Variants in STXBP5L observed in about 807,000 individuals in gnomAD.
The protein encoded by STXBP5L is syntaxin-binding protein 5-like.
A neutral mutation model predicts 144.5 loss-of-function variants in STXBP5L; 65 were observed. That is an observed-to-expected ratio of 0.45 (90% CI 0.37 to 0.55). The LOEUF (loss-of-function observed/expected upper bound fraction) is 0.55. Among genes scored for constraint, STXBP5L ranks in the 20% least tolerant of loss-of-function variants. The probability of loss-of-function intolerance (pLI) is 0.00; values close to 1 mark genes in which losing one functional copy is unlikely to be tolerated. For synonymous variants in STXBP5L, 505 were observed against 469.6 expected (o/e 1.08, Z -0.97); for missense variants, 1,298 against 1,405.5 (o/e 0.92, Z 1.22).
intron 5 of STXBP5L, among the ~76,000 whole-genome samples, chr3:121,059,529 G>C (rs968975627): frequency 1.1e-4 from 17 of 152,258 alleles, no homozygotes; most frequent in South Asian, 4.1e-4. Flanking sequence ...GTGGTAGCTT[G>C]ATGGGGATAG....
chr3:121,222,969 C>CT, intron 10 of STXBP5L, 34 bp from the exon 11 acceptor site: 1 of 1,570,348 alleles, frequency 6.4e-7, no homozygotes, highest in Non-Finnish European at 8.6e-7. Flanking sequence ...TTTTAAAGGA[C>CT]TTCTGAGTCT....
chr3:121,156,952 G>A (rs1162150623), intron 8 of STXBP5L, among the ~76,000 whole-genome samples: 2 of 151,918 alleles, frequency 1.3e-5, no homozygotes, highest in African/African-American at 2.4e-5. Flanking sequence ...AATCCCCAGT[G>A]GATACCGAGG....
chr3:121,036,917 AAAAAATTTTAAAAAT>A (rs1946799212), intron 3 of STXBP5L, among the ~76,000 whole-genome samples: 1 of 151,562 alleles, frequency 6.6e-6, no homozygotes, highest in Non-Finnish European at 1.5e-5. Context: ...ATAATTCTTT[AAAAAATTTTAAAAAT>A]ATATATTTTT....
intron 3 of STXBP5L, among the ~76,000 whole-genome samples, chr3:120,976,191 G>T (rs540080433): frequency 6.6e-6 from 1 of 152,230 alleles, no homozygotes; most frequent in African/African-American, 2.4e-5. Flanking sequence ...TTTTTGGTTG[G>T]TAAGCTATTG....
chr3:121,095,335 C>T (rs1173860541), intron 5 of STXBP5L, among the ~76,000 whole-genome samples: 1 of 152,082 alleles, frequency 6.6e-6, no homozygotes, highest in Non-Finnish European at 1.5e-5. Context: ...GTTGGCCTGT[C>T]CTTCTAGGTT....
At chr3:120,992,420 G>T (rs1942990798) in intron 3 of STXBP5L, among the ~76,000 whole-genome samples, 1 of 151,798 alleles carries the variant, frequency 6.6e-6, no homozygotes, top group Non-Finnish European at 1.5e-5. Context: ...TTGTATATTT[G>T]TACCCATTAA....
intron 25 of STXBP5L, among the ~76,000 whole-genome samples, chr3:121,416,474 TATTTATTTATTTA>T (rs2047237042): frequency 7.2e-3 from 1 of 138 alleles, no homozygotes; most frequent in Admixed American, 0.062. Flanking sequence ...GGTAGATTTT[TATTTATTTATTTA>T]TTTATTTATT....
intron 5 of STXBP5L, among the ~76,000 whole-genome samples, chr3:121,054,685 C>T (rs1948318864): frequency 1.3e-5 from 2 of 151,768 alleles, no homozygotes; most frequent in Admixed American, 1.3e-4. Flanking sequence ...CATATGTATA[C>T]ATATGTAACA....
chr3:121,364,830 C>T (rs943446529), intron 20 of STXBP5L, among the ~76,000 whole-genome samples: 4 of 151,814 alleles, frequency 2.6e-5, no homozygotes, highest in African/African-American at 4.8e-5. Flanking sequence ...TTAGCTCTAA[C>T]AGTTTTTTGT....
chr3:120,938,318 A>G lies in STXBP5L; in HGVS notation c.190-16622A>G, dbSNP rs557483719. Among the ~76,000 whole-genome samples the G allele has an allele frequency of 1.2e-4, 18 of 152,264 alleles. No homozygotes were observed. In the South Asian group the frequency reaches 3.7e-3, roughly 32 times the overall value. On this transcript the variant is annotated intron_variant, in intron 2 of 26. Coordinates refer to ENST00000471454, the MANE Select transcript of STXBP5L (RefSeq NM_001308330.2). ...AGAATTCTATTAAGCATCCTGGCTT[A>G]TTTAAATCATTACTCAATTATTTCT...
At position 121,279,913 on chromosome 3, in the gene STXBP5L, G is replaced by T. The variant is rs541951107; in HGVS notation, c.2067G>T (p.Gln689His). Residue 689 changes from glutamine (Q) to histidine (H), a missense_variant, in exon 19 of 27, where the codon CAG becomes CAT. Transcript: ENST00000471454. ...TATATAGATCAAGTGACTTATACCA[G>T]CGACAACCACGGTCTCCTCGAAAAA... ...IDLYRSSDLY[Q>H]RQPRSPRKNK... 2 of 1,612,408 alleles carry T rather than the reference G, an allele frequency of 1.2e-6. No individual in the cohort carries two copies. Among genetic ancestry groups the T allele is most frequent in the Non-Finnish European group, 8.5e-7 (1 of 1,178,858 alleles).
intron 24 of STXBP5L, among the ~76,000 whole-genome samples, chr3:121,414,299 A>T (rs1195931717): frequency 1.3e-5 from 2 of 152,128 alleles, no homozygotes; most frequent in African/African-American, 4.8e-5. Context: ...TGGCTGTGCC[A>T]GTACTGGGGA....
chr3:121,330,780 C>T (rs1163179861), intron 20 of STXBP5L, among the ~76,000 whole-genome samples: 3 of 152,222 alleles, frequency 2.0e-5, no homozygotes, highest in Non-Finnish European at 4.4e-5. Flanking sequence ...ACATTGCCTG[C>T]ATCACCCTGG....
intron 6 of STXBP5L, among the ~76,000 whole-genome samples, chr3:121,120,837 G>A (rs2044425693): frequency 6.6e-6 from 1 of 151,248 alleles, no homozygotes; most frequent in Non-Finnish European, 1.5e-5. Flanking sequence ...GACACTGTTA[G>A]GTCGTGGAGA....
chr3:121,083,404 G>A (rs1400444099), intron 5 of STXBP5L, among the ~76,000 whole-genome samples: 1 of 152,124 alleles, frequency 6.6e-6, no homozygotes, highest in African/African-American at 2.4e-5. Flanking sequence ...GCTCACGCCT[G>A]TAATTCCAAT....
chr3:121,298,520 C>T (rs181494481), intron 19 of STXBP5L, among the ~76,000 whole-genome samples: 19 of 152,188 alleles, frequency 1.2e-4, no homozygotes, highest in African/African-American at 4.6e-4. Flanking sequence ...TAAATATCTG[C>T]AGACAGATGA....
intron 12 of STXBP5L, among the ~76,000 whole-genome samples, chr3:121,236,093 T>C (rs2049473671): frequency 6.6e-6 from 1 of 152,154 alleles, no homozygotes; most frequent in Non-Finnish European, 1.5e-5. Context: ...ATTTTAAATT[T>C]GATTCTGAAC....
intron 3 of STXBP5L, among the ~76,000 whole-genome samples, chr3:120,965,096 C>G (rs1039726956): frequency 6.6e-6 from 1 of 152,024 alleles, no homozygotes; most frequent in African/African-American, 2.4e-5. Flanking sequence ...ATTGCAACCC[C>G]TGGTTTTTTT....
intron 5 of STXBP5L, among the ~76,000 whole-genome samples, chr3:121,096,233 A>G (rs544728558): frequency 2.7e-4 from 41 of 152,120 alleles, no homozygotes; most frequent in Non-Finnish European, 4.6e-4. Context: ...ATATTTGGCT[A>G]TCTTGGAACC....
Sources: gnomAD v4.1 joint callset for allele counts (sites outside exome capture counted in the v4.1 genomes callset) on GRCh38, gnomAD v4.1.1 for gene constraint, MANE v1.5 for transcripts, NCBI Gene and HGNC (gene_info 2026-07-23, HGNC 2026-07-21) for gene names.